Variants in NTM observed in about 807,000 individuals in gnomAD.
NTM encodes the protein neurotrimin.
A neutral mutation model predicts 42.1 loss-of-function variants in NTM; 13 were observed. The observed-to-expected ratio is 0.31, with a 90% CI of 0.20 to 0.49. The LOEUF is 0.49. Among genes scored for constraint, NTM ranks in the 20% least tolerant of loss-of-function variants. The pLI is 0.99. For synonymous variants in NTM, 187 were observed against 179.2 expected, an observed-to-expected ratio of 1.04 and a Z score of -0.35; for missense variants, 373 against 452.8, an observed-to-expected ratio of 0.82 and a Z score of 1.60.
intron 1 of NTM, among the ~76,000 whole-genome samples, chr11:131,438,047 G>T (rs1949297694): frequency 6.6e-6 from 1 of 152,156 alleles, no homozygotes; most frequent in Non-Finnish European, 1.5e-5. Flanking sequence ...ATGAAGCTTA[G>T]TTTGGCTGGA....
intron 1 of NTM, among the ~76,000 whole-genome samples, chr11:131,575,056 A>G (rs1307076029): frequency 6.6e-6 from 1 of 152,142 alleles, no homozygotes; most frequent in Admixed American, 6.5e-5. Context: ...GGAATTCTCA[A>G]AATTTTTCTC....
intron 1 of NTM, among the ~76,000 whole-genome samples, chr11:131,589,659 GAC>G (rs1555159064): frequency 6.6e-6 from 1 of 152,182 alleles, no homozygotes; most frequent in Non-Finnish European, 1.5e-5. Flanking sequence ...ATGGCAGAGA[GAC>G]ACCATCCCAC....
At chr11:132,036,028 GTT>G in intron 2 of NTM, among the ~76,000 whole-genome samples, 1 of 152,194 alleles carries the variant, frequency 6.6e-6, no homozygotes, top group South Asian at 2.1e-4. Context: ...ATCAGTTCTA[GTT>G]ACCATGTAAT....
rs138016587 is a variant in NTM at position 131,512,456 on chromosome 11, AC to A, written c.82+141570del. ...CCTGGAGACAGGCCCATGTGATCTC[AC>A]CTGGATGGAAAGCCCAGAGGCCGAC... On this transcript the variant is annotated intron_variant, in intron 1 of 8. Coordinates refer to ENST00000683400, the MANE Select transcript of NTM (RefSeq NM_001352005.2). 6.1e-3 allele frequency among the ~76,000 whole-genome samples: 923 copies of A among 152,118 alleles called. 12 individuals are homozygous for A. Among genetic ancestry groups the A allele is most frequent in the African/African-American group, 0.021 (877 of 41,524 alleles).
intron 2 of NTM, among the ~76,000 whole-genome samples, chr11:132,121,433 G>A (rs559344274): frequency 2.6e-5 from 4 of 152,220 alleles, no homozygotes; most frequent in Middle Eastern, 3.4e-3. Flanking sequence ...CAACAGAGGC[G>A]TGATGAAATG....
At chr11:131,548,755 A>G (rs2054272031) in intron 1 of NTM, among the ~76,000 whole-genome samples, 1 of 152,194 alleles carries the variant, frequency 6.6e-6, no homozygotes, top group Admixed American at 6.5e-5. Flanking sequence ...TAGTATATCT[A>G]AATCCAGCAG....
chr11:132,289,508 C>T (rs1216327683), intron 4 of NTM, among the ~76,000 whole-genome samples: 1 of 152,206 alleles, frequency 6.6e-6, no homozygotes, highest in Non-Finnish European at 1.5e-5. Flanking sequence ...CATGAGCCCC[C>T]TTTCTTTGCC....
At chr11:132,331,819 G>A (rs2095805323) in intron 8 of NTM, among the ~76,000 whole-genome samples, 1 of 152,188 alleles carries the variant, frequency 6.6e-6, no homozygotes, top group Non-Finnish European at 1.5e-5. Context: ...AGAGTGATAT[G>A]GGTGAGACAT....
intron 2 of NTM, among the ~76,000 whole-genome samples, chr11:131,957,377 T>A (rs2061664372): frequency 6.6e-6 from 1 of 152,182 alleles, no homozygotes. Flanking sequence ...AGTCTCTGGG[T>A]TTATCCCAGA....
chr11:131,622,994 G>C (rs2062734112), intron 1 of NTM, among the ~76,000 whole-genome samples: 1 of 152,228 alleles, frequency 6.6e-6, no homozygotes, highest in African/African-American at 2.4e-5. Context: ...GGAAGAGGAA[G>C]GGAAATAGCT....
intron 3 of NTM, among the ~76,000 whole-genome samples, chr11:132,167,597 G>C (rs2075473756): frequency 6.6e-6 from 1 of 152,150 alleles, no homozygotes; most frequent in South Asian, 2.1e-4. Flanking sequence ...GGCTTCTTAT[G>C]TTATGAGCAA....
chr11:132,307,332 A>G (rs1231273803), intron 4 of NTM, among the ~76,000 whole-genome samples: 1 of 152,222 alleles, frequency 6.6e-6, no homozygotes, highest in Non-Finnish European at 1.5e-5. Context: ...CCTTGAGATC[A>G]GAAAGAGTTA....
intron 2 of NTM, among the ~76,000 whole-genome samples, chr11:131,967,347 G>T (rs1230935229): frequency 6.6e-6 from 1 of 152,166 alleles, no homozygotes; most frequent in Non-Finnish European, 1.5e-5. Flanking sequence ...TATGATCAGT[G>T]GGGGGCAACT....
At chr11:131,853,275 T>C (rs907132522) in intron 1 of NTM, among the ~76,000 whole-genome samples, 5 of 152,188 alleles carry the variant, frequency 3.3e-5, no homozygotes, top group Non-Finnish European at 7.3e-5. Context: ...ATATGCAGGA[T>C]GTGCAGGTTT....
At chr11:132,197,316 A>C (rs897788604) in intron 3 of NTM, among the ~76,000 whole-genome samples, 1 of 152,174 alleles carries the variant, frequency 6.6e-6, no homozygotes, top group East Asian at 1.9e-4. Context: ...ATTTGGTTAC[A>C]CAGAGATTGG....
At chr11:131,776,150 C>T (rs897770990) in intron 1 of NTM, among the ~76,000 whole-genome samples, 1 of 152,188 alleles carries the variant, frequency 6.6e-6, no homozygotes, top group African/African-American at 2.4e-5. Context: ...TAATTAGGTT[C>T]AAACTACAAA....
chr11:132,179,220 G>T (rs2077210297), intron 3 of NTM, among the ~76,000 whole-genome samples: 1 of 152,170 alleles, frequency 6.6e-6, no homozygotes, highest in Non-Finnish European at 1.5e-5. Flanking sequence ...TGGAGCTTGA[G>T]GAAGGCTCCT....
chr11:131,476,477 G>T (rs1952953277), intron 1 of NTM, among the ~76,000 whole-genome samples: 1 of 152,134 alleles, frequency 6.6e-6, no homozygotes, highest in Non-Finnish European at 1.5e-5. Flanking sequence ...GAAGAGAGGT[G>T]GCATGGTGCT....
chr11:131,428,341 G>C (rs1179654031), intron 1 of NTM, among the ~76,000 whole-genome samples: 2 of 152,142 alleles, frequency 1.3e-5, no homozygotes, highest in Non-Finnish European at 2.9e-5. Context: ...GCCTTTCCAG[G>C]CTGCACCTGC....
Sources: gnomAD v4.1 joint callset for allele counts (sites outside exome capture counted in the v4.1 genomes callset) on GRCh38, gnomAD v4.1.1 for gene constraint, MANE v1.5 for transcripts, NCBI Gene and HGNC (gene_info 2026-07-23, HGNC 2026-07-21) for gene names.